The following METTL24 variants were observed in gnomAD, a reference collection of about 807,000 sequenced individuals.
The protein encoded by METTL24 is methyltransferase like 24.
A neutral mutation model predicts 32.7 loss-of-function variants in METTL24; 29 were observed. The observed-to-expected ratio is 0.89, with a 90% confidence interval of 0.66 to 1.21. METTL24 has a LOEUF of 1.21. Ranked by LOEUF, METTL24 falls within the 50% of genes most tolerant of loss-of-function variation. The pLI is 0.00. For synonymous variants in METTL24, 163 were observed against 179.5 expected, an observed-to-expected ratio of 0.91 and a Z score of 0.73; for missense variants, 439 against 468.1, an observed-to-expected ratio of 0.94 and a Z score of 0.57.
chr6:110,284,377 T>C (rs1405729799), intron 4 of METTL24, among the ~76,000 whole-genome samples: 1 of 152,188 alleles, frequency 6.6e-6, no homozygotes, highest in Non-Finnish European at 1.5e-5. Flanking sequence ...TTTACCTCAA[T>C]TAAAATTTTT....
Position 110,275,947 on chromosome 6 carries a change from C to T in METTL24, c.786+22975G>A, listed in dbSNP as rs111731802. Among the ~76,000 whole-genome samples the T allele has an allele frequency of 4.2e-3, 644 of 152,290 alleles. 8 individuals are homozygous for T. Among genetic ancestry groups the T allele is most frequent in the African/African-American group, 0.015 (629 of 41,560 alleles). On this transcript the variant is annotated intron_variant, in intron 4 of 4. Coordinates refer to ENST00000338882, the MANE Select transcript of METTL24 (RefSeq NM_001123364.3). Reference sequence around the variant, plus strand: ...GGCAAATGATCCCCAAGTGTCTCTCCTTTCCTCTGCATTTCTCTCCCACCT... The same window carrying T: ...GGCAAATGATCCCCAAGTGTCTCTCTTTTCCTCTGCATTTCTCTCCCACCT...
chr6:110,342,138 C>T (rs771796194), intron 1 of METTL24, among the ~76,000 whole-genome samples: 12 of 152,214 alleles, frequency 7.9e-5, no homozygotes, highest in Admixed American at 3.3e-4. Flanking sequence ...AGTGTCAGTG[C>T]TTTGTGCAAA....
At chr6:110,260,455 T>C (rs1014268128) in intron 4 of METTL24, among the ~76,000 whole-genome samples, 2 of 152,104 alleles carry the variant, frequency 1.3e-5, no homozygotes, top group African/African-American at 2.4e-5. Flanking sequence ...CCAAGAAATA[T>C]GGGACTATGT....
chr6:110,265,170 AAAGAAAG>A (rs1473097585), intron 4 of METTL24, among the ~76,000 whole-genome samples: 7 of 148,460 alleles, frequency 4.7e-5, no homozygotes, highest in Admixed American at 1.3e-4. Context: ...AGAAAGAAAG[AAAGAAAG>A]AAAGAAAGAA....
chr6:110,310,807 G>A (rs1771707832), intron 3 of METTL24, among the ~76,000 whole-genome samples: 1 of 152,180 alleles, frequency 6.6e-6, no homozygotes, highest in East Asian at 1.9e-4. Context: ...TGGAGGAAAG[G>A]AGATGAGACA....
chr6:110,339,715 G>C (rs538283517), intron 1 of METTL24, among the ~76,000 whole-genome samples: 3 of 152,182 alleles, frequency 2.0e-5, no homozygotes, highest in Non-Finnish European at 4.4e-5. Flanking sequence ...CTATGTATAT[G>C]TTTTTGTGAT....
chr6:110,349,952 T>C (rs1772560356), intron 1 of METTL24, among the ~76,000 whole-genome samples: 1 of 151,864 alleles, frequency 6.6e-6, no homozygotes, highest in Non-Finnish European at 1.5e-5. Flanking sequence ...CTGCTGGGCA[T>C]GGACACCACC....
At chr6:110,344,689 C>T (rs768293274) in intron 1 of METTL24, among the ~76,000 whole-genome samples, 1 of 152,098 alleles carries the variant, frequency 6.6e-6, no homozygotes, top group Non-Finnish European at 1.5e-5. Flanking sequence ...GGAAAGGATT[C>T]TCTATTCAAT....
intron 3 of METTL24, among the ~76,000 whole-genome samples, chr6:110,312,689 T>G (rs1771745448): frequency 6.6e-6 from 1 of 151,924 alleles, no homozygotes; most frequent in African/African-American, 2.4e-5. Flanking sequence ...GGTTATCAGA[T>G]GCTGGGAAGG....
intron 4 of METTL24, among the ~76,000 whole-genome samples, chr6:110,268,173 C>T (rs920445034): frequency 6.6e-5 from 10 of 152,226 alleles, no homozygotes; most frequent in East Asian, 3.9e-4. Flanking sequence ...CCTCATGTTA[C>T]AGATGGGAAA....
chr6:110,267,808 T>C (rs1037810366), intron 4 of METTL24, among the ~76,000 whole-genome samples: 8 of 152,142 alleles, frequency 5.3e-5, no homozygotes, highest in Non-Finnish European at 1.0e-4. Flanking sequence ...GCAGGAAACT[T>C]ACAATTATGG....
At chr6:110,349,931 A>G (rs1043600191) in intron 1 of METTL24, among the ~76,000 whole-genome samples, 2 of 151,738 alleles carry the variant, frequency 1.3e-5, no homozygotes, top group African/African-American at 4.8e-5. Flanking sequence ...AGTGTAGATG[A>G]CATAGCTTCA....
intron 3 of METTL24, among the ~76,000 whole-genome samples, chr6:110,308,762 C>G (rs1428990933): frequency 6.6e-6 from 1 of 152,122 alleles, no homozygotes; most frequent in Non-Finnish European, 1.5e-5. Flanking sequence ...GAATATTATT[C>G]AGCCATAAAA....
chr6:110,283,801 G>A (rs889512538), intron 4 of METTL24, among the ~76,000 whole-genome samples: 3 of 152,160 alleles, frequency 2.0e-5, no homozygotes, highest in Non-Finnish European at 4.4e-5. Context: ...GAATCACCAT[G>A]TGATCCACAA....
In METTL24 at chr6:110,302,634, C is replaced by T. The variant is rs539152328; in HGVS notation, c.558-3484G>A. On this transcript the variant is annotated intron_variant, in intron 3 of 4. Transcript: ENST00000338882. ...ATATGTGTATATATATACACATATA[C>T]ACACACATATGTGTATATATATACA... 4.6e-5 allele frequency among the ~76,000 whole-genome samples: 6 copies of T among 131,156 alleles called. 1 individual carries two copies. The East Asian group carries it at 8.6e-4, about 19-fold the overall frequency. 86.0% of individuals were successfully genotyped at this position (131,156 alleles called of 152,430 possible).
At chr6:110,264,261 A>T (rs1229205169) in intron 4 of METTL24, among the ~76,000 whole-genome samples, 2 of 152,364 alleles carry the variant, frequency 1.3e-5, no homozygotes, top group African/African-American at 4.8e-5. Flanking sequence ...CAAAGAACTG[A>T]AATAAATTTA....
At chr6:110,263,579 C>A (rs1447843317) in intron 4 of METTL24, among the ~76,000 whole-genome samples, 2 of 152,200 alleles carry the variant, frequency 1.3e-5, no homozygotes, top group Admixed American at 1.3e-4. Flanking sequence ...CCATCCCCAT[C>A]GAGCTACCAA....
intron 3 of METTL24, among the ~76,000 whole-genome samples, chr6:110,300,288 C>T (rs1026748988): frequency 5.3e-5 from 8 of 152,104 alleles, no homozygotes; most frequent in South Asian, 2.1e-4. Flanking sequence ...TAGAACCAAC[C>T]GCCAACCCCA....
intron 4 of METTL24, among the ~76,000 whole-genome samples, chr6:110,296,188 T>A (rs1771415511): frequency 6.6e-6 from 1 of 152,206 alleles, no homozygotes; most frequent in Admixed American, 6.5e-5. Flanking sequence ...CTATAATTCC[T>A]CATTAACTAG....
Sources: allele counts gnomAD v4.1 joint callset (sites outside exome capture counted in the v4.1 genomes callset), GRCh38; gene constraint gnomAD v4.1.1; transcripts MANE v1.5; gene names NCBI Gene and HGNC (gene_info 2026-07-23, HGNC 2026-07-21).